Variants in ASAP2 observed in about 807,000 individuals in gnomAD.
The protein encoded by ASAP2 is ArfGAP with SH3 domain, ankyrin repeat and PH domain 2, also known as arf-GAP with SH3 domain, ANK repeat and PH domain-containing protein 2.
A neutral mutation model predicts 131.4 loss-of-function variants in ASAP2; 45 were observed. That is an observed-to-expected ratio of 0.34 (90% CI 0.27 to 0.44). The LOEUF (loss-of-function observed/expected upper bound fraction) is 0.44. Ranked by LOEUF, ASAP2 falls within the 20% of genes least tolerant of loss-of-function variation. The pLI is 1.00. For missense variants in ASAP2, 1,011 were observed against 1,297.0 expected, an observed-to-expected ratio of 0.78 and a Z score of 3.39; for synonymous variants, 510 against 503.0, an observed-to-expected ratio of 1.01 and a Z score of -0.19.
intron 4 of ASAP2, among the ~76,000 whole-genome samples, chr2:9,319,533 G>C (rs1670021448): frequency 6.6e-6 from 1 of 152,258 alleles, no homozygotes; most frequent in Admixed American, 6.5e-5. Context: ...TGCGCACAGG[G>C]AGCAGGGCTC....
chr2:9,264,229 A>C, intron 1 of ASAP2, among the ~76,000 whole-genome samples: 1 of 151,582 alleles, frequency 6.6e-6, no homozygotes. Flanking sequence ...TAATAAACAC[A>C]AGTACTGCTG....
chr2:9,269,747 T>A (rs954825397), intron 1 of ASAP2, among the ~76,000 whole-genome samples: 27 of 152,186 alleles, frequency 1.8e-4, no homozygotes, highest in African/African-American at 6.5e-4. Context: ...CCTGAGGAAC[T>A]GAATTTGAAA....
At chr2:9,382,894 C>T (rs73150935) in intron 20 of ASAP2, among the ~76,000 whole-genome samples, 4,903 of 152,248 alleles carry the variant, frequency 0.032, 232 homozygotes, top group African/African-American at 0.1. Context: ...GTGATTGCAG[C>T]AGAGAAAGAG....
Position 9,395,894 on chromosome 2 carries a change from A to G in ASAP2, c.2684+2247A>G, listed in dbSNP as rs959106398. 3.3e-5 allele frequency among the ~76,000 whole-genome samples: 5 copies of G among 151,780 alleles called. 1 individual carries two copies. The highest frequency in any genetic ancestry group is 2.6e-4 in the Admixed American group (4 of 15,266). The stretch of plus-strand genomic sequence containing the variant: ...AGTGCTGGGATTACAGGCTTGAGCC[A>G]CTGTGCCCAGCCCATCCCTGAAGTT... On this transcript the variant is annotated intron_variant, in intron 24 of 27. Coordinates refer to ENST00000281419, the MANE Select transcript of ASAP2 (RefSeq NM_003887.3).
At chr2:9,298,456 A>T (rs1321072902) in intron 3 of ASAP2, among the ~76,000 whole-genome samples, 1 of 152,198 alleles carries the variant, frequency 6.6e-6, no homozygotes. Context: ...GGAAATGGTA[A>T]AAGTAAAAAA....
intron 7 of ASAP2, among the ~76,000 whole-genome samples, chr2:9,331,756 AT>A (rs79066860): frequency 4.4e-4 from 66 of 148,434 alleles, no homozygotes; most frequent in African/African-American, 1.4e-3. Context: ...CGACAGAGCG[AT>A]TTTTTTTTTT....
At chr2:9,288,292 G>A (rs1476019009) in intron 2 of ASAP2, among the ~76,000 whole-genome samples, 1 of 152,308 alleles carries the variant, frequency 6.6e-6, no homozygotes, top group Non-Finnish European at 1.5e-5. Context: ...CTGCAGAGTT[G>A]TAAGGATGAA....
chr2:9,223,098 T>G (rs1035078630), intron 1 of ASAP2, among the ~76,000 whole-genome samples: 3 of 152,234 alleles, frequency 2.0e-5, no homozygotes, highest in Non-Finnish European at 4.4e-5. Flanking sequence ...TGCAAGCGAC[T>G]GCTTTGGTGA....
At chr2:9,310,428 G>C (rs1411875683) in intron 3 of ASAP2, among the ~76,000 whole-genome samples, 2 of 152,322 alleles carry the variant, frequency 1.3e-5, no homozygotes, top group East Asian at 3.9e-4. Context: ...TGAGCCCTGG[G>C]AAGACCTGTT....
At chr2:9,337,986 A>G (rs78705616) in intron 9 of ASAP2, among the ~76,000 whole-genome samples, 3,291 of 152,278 alleles carry the variant, frequency 0.022, 108 homozygotes, top group African/African-American at 0.073. Flanking sequence ...AGAAGATCCT[A>G]TTTACACAGT....
At chr2:9,271,631 G>T in intron 1 of ASAP2, 3 of 948,042 alleles carry the variant, frequency 3.2e-6, no homozygotes, top group Admixed American at 4.8e-5. Context: ...GTGGACATAC[G>T]ATCCAATTTC....
chr2:9,352,189 C>T (rs1672381550), intron 12 of ASAP2, among the ~76,000 whole-genome samples: 1 of 150,932 alleles, frequency 6.6e-6, no homozygotes, highest in South Asian at 2.1e-4. Flanking sequence ...ATAGCAAGAC[C>T]CTAACTCTTT....
chr2:9,236,954 C>T (rs374468818), intron 1 of ASAP2, among the ~76,000 whole-genome samples: 31 of 152,184 alleles, frequency 2.0e-4, no homozygotes, highest in African/African-American at 7.2e-4. Context: ...GGGTACCAGG[C>T]AGGGCTGGGG....
At chr2:9,332,907 AAGAAT>A (rs1193548760) in intron 7 of ASAP2, among the ~76,000 whole-genome samples, 4 of 152,254 alleles carry the variant, frequency 2.6e-5, no homozygotes, top group Non-Finnish European at 5.9e-5. Flanking sequence ...GTATAAAATA[AAGAAT>A]GATGTGTCTG....
intron 12 of ASAP2, among the ~76,000 whole-genome samples, chr2:9,355,703 TC>T (rs1252141040): frequency 6.6e-6 from 1 of 152,254 alleles, no homozygotes; most frequent in Non-Finnish European, 1.5e-5. Flanking sequence ...TTTTTATTAT[TC>T]AAAGGGCTTG....
At chr2:9,383,548 T>TCCACTGGATGTGGAGTA (rs1198453959) in intron 20 of ASAP2, among the ~76,000 whole-genome samples, 2 of 152,142 alleles carry the variant, frequency 1.3e-5, no homozygotes, top group African/African-American at 4.8e-5. Context: ...TGTGAGCCAC[T>TCCACTGGATGTGGAGTA]CCACTGGATG....
At chr2:9,326,388 T>C (rs1009715786) in intron 6 of ASAP2, among the ~76,000 whole-genome samples, 4 of 152,228 alleles carry the variant, frequency 2.6e-5, no homozygotes, top group Admixed American at 1.3e-4. Flanking sequence ...TTTAAAGCTA[T>C]GGAGCCCTTT....
At chr2:9,384,263 A>G (rs1675090630) in intron 20 of ASAP2, among the ~76,000 whole-genome samples, 1 of 152,220 alleles carries the variant, frequency 6.6e-6, no homozygotes, top group Non-Finnish European at 1.5e-5. Context: ...AATTCTTCCC[A>G]TGGTTAGCTT....
At chr2:9,302,319 C>T (rs1482509183) in intron 3 of ASAP2, among the ~76,000 whole-genome samples, 2 of 151,598 alleles carry the variant, frequency 1.3e-5, no homozygotes, top group East Asian at 1.9e-4. Context: ...ACTACAGGCA[C>T]GTGCCACCAT....
Sources: gnomAD v4.1 joint callset for allele counts (sites outside exome capture counted in the v4.1 genomes callset) on GRCh38, gnomAD v4.1.1 for gene constraint, MANE v1.5 for transcripts, NCBI Gene and HGNC (gene_info 2026-07-23, HGNC 2026-07-21) for gene names.